UCK2: variants seen among roughly 807,000 people sequenced by gnomAD.
UCK2 encodes uridine-cytidine kinase 2.
UCK2 carries 6 observed loss-of-function variants against 30.8 expected under a neutral mutation model. The ratio of observed to expected loss-of-function variants is 0.19; its 90% CI spans 0.11 to 0.38. UCK2 has a LOEUF of 0.38. UCK2 is among the 10% of genes least tolerant of loss of function. The pLI, the probability that UCK2 is intolerant of heterozygous loss-of-function variation, is 1.00. For missense variants in UCK2, 210 were observed against 339.8 expected, an observed-to-expected ratio of 0.62 and a Z score of 3.00; for synonymous variants, 125 against 133.6, an observed-to-expected ratio of 0.94 and a Z score of 0.45.
At chr1:165,841,173 ACTG>A (rs1277528090) in intron 1 of UCK2, among the ~76,000 whole-genome samples, 3 of 149,998 alleles carry the variant, frequency 2.0e-5, no homozygotes, top group Admixed American at 2.0e-4. Flanking sequence ...GCAAAATCCT[ACTG>A]CTGCTGCTGC....
chr1:165,867,296 G>C (rs1455310148), intron 1 of UCK2, among the ~76,000 whole-genome samples: 1 of 152,130 alleles, frequency 6.6e-6, no homozygotes, highest in Admixed American at 6.5e-5. Context: ...GGTGGCTATT[G>C]CAATTTCTTA....
intron 1 of UCK2, among the ~76,000 whole-genome samples, chr1:165,843,974 G>T (rs1654388876): frequency 6.6e-6 from 1 of 152,004 alleles, no homozygotes; most frequent in African/African-American, 2.4e-5. Flanking sequence ...AATACTTCCC[G>T]AGCACTAACT....
intron 1 of UCK2, among the ~76,000 whole-genome samples, chr1:165,861,653 AAAAAAAC>A (rs1557838620): frequency 0.07 from 7,893 of 112,464 alleles, 1,981 homozygotes; most frequent in South Asian, 0.2. Context: ...AAAAAAACAA[AAAAAAAC>A]AACAGTAAAA....
rs1209277002 is a variant in UCK2, at chr1:165,827,689, C to T, written c.-145C>T. ...GAAACCCAGCCCCGTCACCGGGCTC[C>T]GAGCGGCTCGCAGGCGAGCGACAGC... On this transcript the variant is annotated 5_prime_UTR_variant, in exon 1 of 7. Coordinates refer to ENST00000367879, the MANE Select transcript of UCK2 (RefSeq NM_012474.5). 4 of 654,866 alleles carry T rather than the reference C, an allele frequency of 6.1e-6. No individual in the cohort carries two copies. The highest frequency in any genetic ancestry group is 5.7e-5 in the African/African-American group (3 of 52,606). 40.6% of individuals were successfully genotyped at this position (654,866 alleles called of 1,614,324 possible).
At chr1:165,902,976 A>T in intron 4 of UCK2, 1 of 429,116 alleles carries the variant, frequency 2.3e-6, no homozygotes. Flanking sequence ...GTCATTGCCA[A>T]GTTTGACCAT....
intron 1 of UCK2, among the ~76,000 whole-genome samples, chr1:165,830,944 A>G (rs890704821): frequency 1.3e-5 from 2 of 152,266 alleles, no homozygotes; most frequent in East Asian, 3.9e-4. Flanking sequence ...CTTGGGCAAC[A>G]TGGTGAGACT....
intron 1 of UCK2, 77 bp downstream of exon 1, chr1:165,828,009 C>A: frequency 8.8e-7 from 1 of 1,138,944 alleles, no homozygotes; most frequent in Non-Finnish European, 1.1e-6. Flanking sequence ...GGCCGCGGGC[C>A]GTGTCAGTTG....
intron 1 of UCK2, among the ~76,000 whole-genome samples, chr1:165,839,880 T>A (rs754637153): frequency 6.6e-6 from 1 of 152,242 alleles, no homozygotes; most frequent in Non-Finnish European, 1.5e-5. Flanking sequence ...TGATTCATGT[T>A]CTGTGCAGAT....
At chr1:165,891,562 C>G in intron 3 of UCK2, 1 of 457,240 alleles carries the variant, frequency 2.2e-6, no homozygotes, top group South Asian at 3.4e-5. Flanking sequence ...TTCCTTAACT[C>G]TGAAGGATGG....
Position 165,907,803 on chromosome 1 carries a change from T to A in UCK2, c.766T>A (p.Ser256Thr). The change falls in exon 7 of 7, where the codon TCC becomes ACC. Residue 256 changes from serine (S) to threonine (T), a missense_variant. Coordinates refer to ENST00000367879, the MANE Select transcript of UCK2 (RefSeq NM_012474.5). ...TPSRKRQASE[S>T]SSRPH The stretch of plus-strand genomic sequence containing the variant: ...TTCACGCAAGAGGCAGGCATCGGAG[T>A]CCAGCAGCAGGCCGCATTGACCCGT... 6.2e-7 allele frequency: 1 copy of A among 1,613,716 alleles called. No homozygotes were observed. Among genetic ancestry groups the A allele is most frequent in the Non-Finnish European group, 8.5e-7 (1 of 1,179,946 alleles).
At chr1:165,833,922 AT>A (rs1387346912) in intron 1 of UCK2, among the ~76,000 whole-genome samples, 7 of 152,326 alleles carry the variant, frequency 4.6e-5, no homozygotes, top group African/African-American at 1.7e-4. Flanking sequence ...TATATATAAA[AT>A]ATATAAGTAT....
chr1:165,834,694 C>G (rs953822776), intron 1 of UCK2, among the ~76,000 whole-genome samples: 2 of 152,154 alleles, frequency 1.3e-5, no homozygotes, highest in Non-Finnish European at 1.5e-5. Flanking sequence ...TGGCAATACT[C>G]TTTCCATAAC....
chr1:165,830,797 G>C (rs1654029030), intron 1 of UCK2, among the ~76,000 whole-genome samples: 1 of 152,116 alleles, frequency 6.6e-6, no homozygotes, highest in Admixed American at 6.5e-5. Flanking sequence ...ATTTTGGGAG[G>C]CAGAGACAGG....
intron 1 of UCK2, among the ~76,000 whole-genome samples, chr1:165,858,583 C>T (rs1654812554): frequency 6.6e-6 from 1 of 152,202 alleles, no homozygotes; most frequent in Admixed American, 6.5e-5. Flanking sequence ...ACATGTCACA[C>T]AGTCTGCTGA....
intron 1 of UCK2, among the ~76,000 whole-genome samples, chr1:165,857,784 C>A (rs544246561): frequency 1.5e-3 from 236 of 152,304 alleles, no homozygotes; most frequent in African/African-American, 5.6e-3. Context: ...GCAGCTTTGG[C>A]TGACATCTGT....
chr1:165,838,058 G>A (rs1015042356), intron 1 of UCK2, among the ~76,000 whole-genome samples: 1 of 152,124 alleles, frequency 6.6e-6, no homozygotes, highest in Non-Finnish European at 1.5e-5. Flanking sequence ...ATTCATAATC[G>A]CTAAGTGACT....
intron 1 of UCK2, among the ~76,000 whole-genome samples, chr1:165,874,249 G>T (rs1159003197): frequency 6.6e-6 from 1 of 152,008 alleles, no homozygotes; most frequent in Non-Finnish European, 1.5e-5. Context: ...TGCTTCTTGA[G>T]GGAATGCTTT....
intron 1 of UCK2, among the ~76,000 whole-genome samples, chr1:165,858,240 G>C (rs752074080): frequency 3.3e-5 from 5 of 152,164 alleles, no homozygotes; most frequent in African/African-American, 1.2e-4. Flanking sequence ...TGTCATAGGG[G>C]AGAGAGTAGA....
At chr1:165,889,222 C>A (rs1393155980) in intron 1 of UCK2, among the ~76,000 whole-genome samples, 1 of 152,210 alleles carries the variant, frequency 6.6e-6, no homozygotes, top group Non-Finnish European at 1.5e-5. Context: ...GATGTGAAGT[C>A]ATGGCTGTGG....
Sources: gnomAD v4.1 joint callset for allele counts (sites outside exome capture counted in the v4.1 genomes callset) on GRCh38, gnomAD v4.1.1 for gene constraint, MANE v1.5 for transcripts, NCBI Gene and HGNC (gene_info 2026-07-23, HGNC 2026-07-21) for gene names.